The following CAST variants were observed in gnomAD, a reference collection of about 807,000 sequenced individuals.
CAST encodes the protein calpastatin.
In CAST, 76 loss-of-function variants were observed where a neutral mutation model predicts 119.6. The observed-to-expected ratio is 0.64, with a 90% confidence interval of 0.53 to 0.77. The LOEUF (loss-of-function observed/expected upper bound fraction) is 0.77, where lower values mean the gene tolerates loss of function less well. Ranked by LOEUF, CAST falls within the 30% of genes least tolerant of loss-of-function variation. The pLI is 0.00. For missense variants in CAST, 953 were observed against 946.5 expected, an observed-to-expected ratio of 1.01 and a Z score of -0.09; for synonymous variants, 319 against 331.6, an observed-to-expected ratio of 0.96 and a Z score of 0.41.
chr5:96,468,319 C>T, the CAST span, among the ~76,000 whole-genome samples: 1 of 152,062 alleles, frequency 6.6e-6, no homozygotes, highest in African/African-American at 2.4e-5. Flanking sequence ...AAATCTCAGA[C>T]TTCACCACTA....
At chr5:96,049,858 C>T in the CAST span, among the ~76,000 whole-genome samples, 2 of 85,636 alleles carry the variant, frequency 2.3e-5, no homozygotes, top group Non-Finnish European at 4.2e-5. Flanking sequence ...GCATAGAGAG[C>T]ATTTTAAGAG....
chr5:96,434,661 C>T, the CAST span, among the ~76,000 whole-genome samples: 1 of 149,970 alleles, frequency 6.7e-6, no homozygotes, highest in South Asian at 2.1e-4. Flanking sequence ...CGCCCGAGGG[C>T]GCGATCTATG....
the CAST span, among the ~76,000 whole-genome samples, chr5:96,287,507 A>G: frequency 1.3e-5 from 2 of 152,152 alleles, no homozygotes; most frequent in African/African-American, 4.8e-5. Flanking sequence ...ATGAACCCAT[A>G]AAGAAAATGG....
chr5:96,473,419 T>A, the CAST span, among the ~76,000 whole-genome samples: 1 of 152,206 alleles, frequency 6.6e-6, no homozygotes, highest in Non-Finnish European at 1.5e-5. Context: ...TTATATCACA[T>A]TACATAACAA....
chr5:96,033,911 G>A, the CAST span, among the ~76,000 whole-genome samples: 3 of 152,074 alleles, frequency 2.0e-5, no homozygotes, highest in Non-Finnish European at 4.4e-5. Context: ...ATCTGATAAG[G>A]GGTTACTATC....
At chr5:96,424,502 T>C in the CAST span, among the ~76,000 whole-genome samples, 574 of 152,318 alleles carry the variant, frequency 3.8e-3, 1 homozygote, top group Middle Eastern at 0.017. Context: ...AATATCTCTG[T>C]TTTTCCATCT....
chr5:96,158,029 G>A, the CAST span, among the ~76,000 whole-genome samples: 1 of 152,020 alleles, frequency 6.6e-6, no homozygotes, highest in Non-Finnish European at 1.5e-5. Context: ...CTCTTGGAAT[G>A]TAATTCCAGT....
intron 1 of CAST, among the ~76,000 whole-genome samples, chr5:96,656,861 T>C (rs1356162485): frequency 2.0e-5 from 3 of 152,176 alleles, no homozygotes; most frequent in African/African-American, 7.2e-5. Context: ...TGAATTCTTA[T>C]ATATTGATTC....
chr5:95,968,250 A>T, the CAST span, among the ~76,000 whole-genome samples: 1 of 152,210 alleles, frequency 6.6e-6, no homozygotes, highest in East Asian at 1.9e-4. Flanking sequence ...CTAAATAGCA[A>T]CAAGGCAAAT....
chr5:96,278,336 A>C, the CAST span, among the ~76,000 whole-genome samples: 2 of 152,104 alleles, frequency 1.3e-5, no homozygotes, highest in African/African-American at 4.8e-5. Context: ...TGAGGGGGTC[A>C]AGATTTACCA....
chr5:96,166,348 T>C, the CAST span, among the ~76,000 whole-genome samples: 2 of 152,206 alleles, frequency 1.3e-5, no homozygotes, highest in African/African-American at 2.4e-5. Context: ...AACAGAAGTA[T>C]TTAACAACAG....
At chr5:96,703,211 C>T (rs961425173) in intron 3 of CAST, among the ~76,000 whole-genome samples, 1 of 150,910 alleles carries the variant, frequency 6.6e-6, no homozygotes, top group East Asian at 1.9e-4. Context: ...TTTGTGTGGC[C>T]CGGTACAAGT....
chr5:96,053,408 C>G, the CAST span, among the ~76,000 whole-genome samples: 1 of 152,190 alleles, frequency 6.6e-6, no homozygotes, highest in African/African-American at 2.4e-5. Flanking sequence ...ACCTTATCTC[C>G]TAAAAGTTTT....
At chr5:96,371,286 A>C in the CAST span, among the ~76,000 whole-genome samples, 177 of 152,348 alleles carry the variant, frequency 1.2e-3, 2 homozygotes, top group Non-Finnish European at 4.0e-4. Context: ...AAAAGTTTCC[A>C]GAAAGGTCAT....
chr5:96,272,365 G>A, the CAST span, among the ~76,000 whole-genome samples: 1 of 152,136 alleles, frequency 6.6e-6, no homozygotes, highest in Non-Finnish European at 1.5e-5. Flanking sequence ...ATCAAGGGAA[G>A]TGCCCACCCA....
At chr5:96,287,830 G>A in the CAST span, among the ~76,000 whole-genome samples, 43 of 152,068 alleles carry the variant, frequency 2.8e-4, no homozygotes, top group Admixed American at 8.5e-4. Context: ...TCATGACAGA[G>A]CAAGACTCTG....
At chr5:96,298,459 A>G in the CAST span, among the ~76,000 whole-genome samples, 1 of 152,198 alleles carries the variant, frequency 6.6e-6, no homozygotes, top group South Asian at 2.1e-4. Context: ...CAGAAAGGGT[A>G]TTTGACTTCA....
At chr5:96,671,180 A>C (rs1193682415) in intron 1 of CAST, among the ~76,000 whole-genome samples, 1 of 152,104 alleles carries the variant, frequency 6.6e-6, no homozygotes. Context: ...TCTGGAGCAC[A>C]TACCACCTTC....
chr5:96,415,167 C>G, the CAST span, among the ~76,000 whole-genome samples: 1 of 152,284 alleles, frequency 6.6e-6, no homozygotes. Flanking sequence ...ATACACTTTC[C>G]ACTCTTCTCC....
Sources: allele counts gnomAD v4.1 joint callset (sites outside exome capture counted in the v4.1 genomes callset), GRCh38; gene constraint gnomAD v4.1.1; transcripts MANE v1.5; gene names NCBI Gene and HGNC (gene_info 2026-07-23, HGNC 2026-07-21).